The following THADA variants were observed in gnomAD, a reference collection of about 807,000 sequenced individuals.
The protein encoded by THADA is THADA armadillo repeat containing.
Under a neutral mutation model 219.8 loss-of-function variants are expected in THADA, and 213 were observed. That is an observed-to-expected ratio of 0.97 (90% CI 0.87 to 1.09). The LOEUF (loss-of-function observed/expected upper bound fraction) is 1.09, where lower values mean the gene tolerates loss of function less well. THADA is among the 50% of genes least tolerant of loss of function. THADA has a pLI of 0.00. For synonymous variants in THADA, 1,018 were observed against 828.9 expected (o/e 1.23, Z -3.92); for missense variants, 2,956 against 2,311.3 (o/e 1.28, Z -5.72).
At chr2:43,407,746 C>CAGGCAATGTGCT (rs6146742) in intron 28 of THADA, among the ~76,000 whole-genome samples, 71,174 of 151,442 alleles carry the variant, frequency 0.47, 17,052 homozygotes, top group South Asian at 0.53. Flanking sequence ...TGCTAGATGC[C>CAGGCAATGTGCT]AGGTACTTTA....
In THADA at chr2:43,344,229, A is replaced by C; in HGVS notation, c.4236T>G (p.His1412Gln). ...HIHGTLLQVF[H>Q]LLQAYSDSKH... is the part of the protein sequence containing the mutation. ...TGGAGTCTGAGTAGGCTTGCAACAA[A>C]TGAAAAACCTAAACCAAAAAAGAAA... The change falls in exon 30 of 38, where the codon CAT becomes CAG. Residue 1412 changes from histidine (H) to glutamine (Q), a missense_variant. By Grantham distance (24) the His-to-Gln change is conservative (BLOSUM62 0). Transcript: ENST00000405975. 6.2e-7 allele frequency: 1 copy of C among 1,603,486 alleles called. No homozygotes were observed.
chr2:43,505,010 G>A (rs945993294), intron 24 of THADA, among the ~76,000 whole-genome samples: 2 of 152,196 alleles, frequency 1.3e-5, no homozygotes, highest in African/African-American at 2.4e-5. Flanking sequence ...GTGGAGCTAT[G>A]AGGAGTGCTT....
intron 36 of THADA, among the ~76,000 whole-genome samples, chr2:43,245,455 G>A (rs1233812012): frequency 6.6e-6 from 1 of 152,134 alleles, no homozygotes; most frequent in Non-Finnish European, 1.5e-5. Flanking sequence ...TTATAGGCAT[G>A]AGCCACCACG....
chr2:43,250,801 G>A (rs1469934627), intron 36 of THADA, among the ~76,000 whole-genome samples: 1 of 152,190 alleles, frequency 6.6e-6, no homozygotes, highest in Non-Finnish European at 1.5e-5. Context: ...AGAGGACAAT[G>A]GGTAATTCAA....
intron 29 of THADA, among the ~76,000 whole-genome samples, chr2:43,369,727 G>A (rs1670582862): frequency 6.6e-6 from 1 of 152,158 alleles, no homozygotes; most frequent in Admixed American, 6.5e-5. Flanking sequence ...GTAAAGCTGG[G>A]AAACACTGAC....
chr2:43,344,239 TA>T lies in THADA; in HGVS notation c.4228-3del, dbSNP rs764973172. The T allele has an allele frequency of 3.1e-6, 5 of 1,587,700 alleles. No individual in the cohort carries two copies. In the South Asian group the frequency reaches 5.8e-5, roughly 18 times the overall value. Reference sequence around the variant, plus strand: ...GTAGGCTTGCAACAAATGAAAAACCTAAACCAAAAAAGAAAAAAAAATCCTG... The same window carrying T: ...GTAGGCTTGCAACAAATGAAAAACCTAACCAAAAAAGAAAAAAAAATCCTG... On this transcript the variant is annotated splice_region_variant and splice_polypyrimidine_tract_variant and intron_variant, in intron 29 of 37. Coordinates refer to ENST00000405975, the MANE Select transcript of THADA (RefSeq NM_022065.5).
At chr2:43,519,961 C>G (rs1249987773) in intron 22 of THADA, among the ~76,000 whole-genome samples, 1 of 152,204 alleles carries the variant, frequency 6.6e-6, no homozygotes, top group Non-Finnish European at 1.5e-5. Context: ...GATTTCAAAA[C>G]TCCAGGGTTG....
At position 43,490,944 on chromosome 2, in the gene THADA, T is replaced by C. The variant is rs75639670; in HGVS notation, c.3745-5619A>G. ...AAATACATACTCTGTTTTAGAATTC[T>C]GTAAGTTATACAGAACAACACTTAA... On this transcript the variant is annotated intron_variant, in intron 25 of 37. Transcript: ENST00000405975. Among the ~76,000 whole-genome samples the C allele has an allele frequency of 7.1e-3, 1,083 of 152,294 alleles. 3 individuals are homozygous for C. Among genetic ancestry groups the C allele is most frequent in the Non-Finnish European group, 0.012 (803 of 67,996 alleles).
At chr2:43,339,656 AT>A (rs912947821) in intron 30 of THADA, among the ~76,000 whole-genome samples, 9 of 152,134 alleles carry the variant, frequency 5.9e-5, no homozygotes, top group Non-Finnish European at 8.8e-5. Flanking sequence ...ATACACACTT[AT>A]TTTTTTCCTT....
chr2:43,514,757 A>G (rs1691085815), intron 22 of THADA, among the ~76,000 whole-genome samples: 1 of 71,330 alleles, frequency 1.4e-5, no homozygotes, highest in Admixed American at 2.2e-4. Flanking sequence ...TATTTTATAT[A>G]TAATATGTAT....
At chr2:43,458,263 A>G (rs903881713) in intron 26 of THADA, among the ~76,000 whole-genome samples, 11 of 152,116 alleles carry the variant, frequency 7.2e-5, no homozygotes, top group Admixed American at 2.6e-4. Context: ...AAAAGATATG[A>G]CTCACAGGGA....
chr2:43,336,506 C>T lies in THADA; in HGVS notation c.4343+7616G>A, dbSNP rs566122030. Among the ~76,000 whole-genome samples the T allele has an allele frequency of 4.6e-5, 7 of 151,762 alleles. No homozygotes were observed. In the South Asian group the frequency reaches 6.2e-4, roughly 14 times the overall value. On this transcript the variant is annotated intron_variant, in intron 30 of 37. Transcript: ENST00000405975. ...AGGCTGGTCTTGAACTCCTGACCTC[C>T]GGTGACCCACCTGCCTCAGCCTCCC...
chr2:43,428,130 C>T lies in THADA; in HGVS notation c.4028G>A (p.Ser1343Asn). 6.2e-7 allele frequency: 1 copy of T among 1,610,718 alleles called. No homozygotes were observed. The highest frequency in any genetic ancestry group is 8.5e-7 in the Non-Finnish European group (1 of 1,178,054). The change falls in exon 28 of 38, where the codon AGC (serine) becomes AAC (asparagine). Residue 1343 changes from serine (S) to asparagine (N), a missense_variant. Transcript: ENST00000405975. ...SPMDGTSSALSMGPFVPFIMR... is the reference protein window; with the variant it reads ...SPMDGTSSALNMGPFVPFIMR... ...AATGAAGGGAACAAAAGGTCCCATG[C>T]TGAGAGCAGAAGAAGTACCATCCAT...
At chr2:43,446,817 T>C (rs967818134) in intron 26 of THADA, among the ~76,000 whole-genome samples, 3 of 152,178 alleles carry the variant, frequency 2.0e-5, no homozygotes, top group Non-Finnish European at 4.4e-5. Flanking sequence ...CTTTACTATA[T>C]TGATTCTCTC....
intron 28 of THADA, among the ~76,000 whole-genome samples, chr2:43,419,118 C>T (rs778016800): frequency 3.9e-5 from 6 of 152,158 alleles, no homozygotes; most frequent in Non-Finnish European, 5.9e-5. Context: ...TCCACATCTT[C>T]TCTTGCAAAT....
intron 14 of THADA, 95 bp from the exon 15 acceptor site, chr2:43,566,916 T>G (rs1698760453): frequency 1.1e-6 from 1 of 878,394 alleles, no homozygotes; most frequent in Non-Finnish European, 1.6e-6. Context: ...GTGTTTTTGT[T>G]TTCAATTTAA....
chr2:43,335,627 A>C (rs995902841), intron 30 of THADA, among the ~76,000 whole-genome samples: 3 of 152,110 alleles, frequency 2.0e-5, no homozygotes, highest in Non-Finnish European at 4.4e-5. Context: ...TTGTTGAATG[A>C]AGTAATACAG....
At chr2:43,561,016 C>CAAA (rs3042329) in intron 15 of THADA, among the ~76,000 whole-genome samples, 34 of 92,280 alleles carry the variant, frequency 3.7e-4, no homozygotes, top group African/African-American at 5.6e-4. Context: ...GACTTGGTCT[C>CAAA]AAAAAAAAAA....
chr2:43,272,823 C>T (rs894482618), intron 36 of THADA, among the ~76,000 whole-genome samples: 4 of 151,540 alleles, frequency 2.6e-5, no homozygotes, highest in African/African-American at 7.3e-5. Flanking sequence ...ACAGGGTCTC[C>T]CCATGTTGCC....
Sources: allele counts gnomAD v4.1 joint callset (sites outside exome capture counted in the v4.1 genomes callset), GRCh38; gene constraint gnomAD v4.1.1; transcripts MANE v1.5; gene names NCBI Gene and HGNC (gene_info 2026-07-23, HGNC 2026-07-21).